The following LHFPL3 variants were observed in gnomAD, a reference collection of about 807,000 sequenced individuals.
The protein encoded by LHFPL3 is LHFPL tetraspan subfamily member 3, also known as LHFPL tetraspan subfamily member 3 protein.
In LHFPL3, 5 loss-of-function variants were observed where a neutral mutation model predicts 19.3. The observed-to-expected ratio is 0.26, with a 90% CI of 0.14 to 0.54. LHFPL3 has a LOEUF of 0.54. LHFPL3 is among the 20% of genes least tolerant of loss of function. The probability of loss-of-function intolerance (pLI) is 0.94; values close to 1 mark genes in which losing one functional copy is unlikely to be tolerated. For synonymous variants in LHFPL3, 133 were observed against 126.2 expected, an observed-to-expected ratio of 1.05 and a Z score of -0.36; for missense variants, 249 against 307.4, an observed-to-expected ratio of 0.81 and a Z score of 1.42.
intron 1 of LHFPL3, among the ~76,000 whole-genome samples, chr7:104,354,356 G>T (rs1029110360): frequency 6.6e-6 from 1 of 152,204 alleles, no homozygotes; most frequent in African/African-American, 2.4e-5. Flanking sequence ...TGGACATCTT[G>T]TACACATTCT....
chr7:104,522,398 GA>G (rs1355354015), intron 1 of LHFPL3, among the ~76,000 whole-genome samples: 2 of 66,452 alleles, frequency 3.0e-5, no homozygotes, highest in African/African-American at 1.1e-4. Context: ...GGGGTGGGGG[GA>G]GGGGGGAGGG....
intron 2 of LHFPL3, among the ~76,000 whole-genome samples, chr7:104,830,194 T>C (rs1790923458): frequency 6.6e-6 from 1 of 151,996 alleles, no homozygotes; most frequent in African/African-American, 2.4e-5. Context: ...TTTTTTCTTG[T>C]AAATTTGTTT....
intron 1 of LHFPL3, among the ~76,000 whole-genome samples, chr7:104,640,944 G>A (rs191953566): frequency 6.6e-6 from 1 of 152,302 alleles, no homozygotes; most frequent in Non-Finnish European, 1.5e-5. Context: ...GTTTGATTTT[G>A]AAACGTATTA....
chr7:104,858,857 C>T (rs1791560125), intron 2 of LHFPL3, among the ~76,000 whole-genome samples: 1 of 152,054 alleles, frequency 6.6e-6, no homozygotes. Flanking sequence ...TCCCATCATC[C>T]TATAAATGTG....
chr7:104,602,249 G>A (rs1314534715), intron 1 of LHFPL3, among the ~76,000 whole-genome samples: 1 of 151,992 alleles, frequency 6.6e-6, no homozygotes, highest in Admixed American at 6.5e-5. Flanking sequence ...TTGAACTCCT[G>A]ACCTCAAGTA....
rs1792632877 is a variant in LHFPL3, at chr7:104,906,955, G to A, written c.*740G>A. 6.6e-6 allele frequency: 1 copy of A among 152,472 alleles called. No homozygotes were observed. Among genetic ancestry groups the A allele is most frequent in the South Asian group, 2.1e-4 (1 of 4,824 alleles). The allele number at this position is 152,472 out of a possible 1,614,324, so 9.4% of individuals were successfully genotyped here. A position where few individuals can be genotyped will look rare whatever the true frequency, so the allele number is the denominator to read the frequency against. ...CAGGAAGTACATCTTTACATCATAGGTTCCCAAGCAACATAGATTTCCCTA... is the reference window on the plus strand; with the variant it reads ...CAGGAAGTACATCTTTACATCATAGATTCCCAAGCAACATAGATTTCCCTA... On this transcript the variant is annotated 3_prime_UTR_variant, in exon 3 of 3. Coordinates refer to ENST00000424859, the MANE Select transcript of LHFPL3 (RefSeq NM_199000.3).
At chr7:104,414,989 T>A (rs1791594653) in intron 1 of LHFPL3, among the ~76,000 whole-genome samples, 1 of 152,198 alleles carries the variant, frequency 6.6e-6, no homozygotes, top group South Asian at 2.1e-4. Flanking sequence ...CGCATATAGT[T>A]ACATTTCGGG....
intron 1 of LHFPL3, among the ~76,000 whole-genome samples, chr7:104,404,440 T>A (rs1470179281): frequency 6.6e-6 from 1 of 152,246 alleles, no homozygotes; most frequent in Non-Finnish European, 1.5e-5. Context: ...AGTAGTGATT[T>A]AATTATTGGT....
chr7:104,618,231 A>G (rs887539805), intron 1 of LHFPL3, among the ~76,000 whole-genome samples: 1 of 152,234 alleles, frequency 6.6e-6, no homozygotes, highest in African/African-American at 2.4e-5. Flanking sequence ...AAAAATGAAG[A>G]ATAATGACAT....
intron 2 of LHFPL3, among the ~76,000 whole-genome samples, chr7:104,808,332 T>A (rs950620336): frequency 1.3e-5 from 2 of 152,190 alleles, no homozygotes; most frequent in Admixed American, 1.3e-4. Flanking sequence ...GTATTATTAA[T>A]CTCATTTCAA....
chr7:104,590,997 T>C (rs1411787061), intron 1 of LHFPL3, among the ~76,000 whole-genome samples: 2 of 152,124 alleles, frequency 1.3e-5, no homozygotes, highest in Non-Finnish European at 2.9e-5. Flanking sequence ...TAATTTGAGC[T>C]TGTGTGTGTC....
intron 2 of LHFPL3, chr7:104,845,436 G>A: frequency 1.3e-6 from 2 of 1,536,030 alleles, no homozygotes; most frequent in Non-Finnish European, 1.7e-6. Flanking sequence ...CCATGTAAGT[G>A]TGAGCATGGC....
chr7:104,860,867 G>A (rs547314431), intron 2 of LHFPL3, among the ~76,000 whole-genome samples: 1 of 152,242 alleles, frequency 6.6e-6, no homozygotes, highest in South Asian at 2.1e-4. Context: ...CATAGAGTGT[G>A]CTAAGAATCC....
chr7:104,731,473 C>G (rs1793703740), intron 1 of LHFPL3, among the ~76,000 whole-genome samples: 1 of 152,112 alleles, frequency 6.6e-6, no homozygotes, highest in Admixed American at 6.6e-5. Flanking sequence ...GTATTTTATT[C>G]TCTTTGAAGC....
At chr7:104,896,725 C>G (rs1457349422) in intron 2 of LHFPL3, among the ~76,000 whole-genome samples, 1 of 152,046 alleles carries the variant, frequency 6.6e-6, no homozygotes, top group African/African-American at 2.4e-5. Flanking sequence ...CAGGGAGAGG[C>G]CACAGGAGGC....
At position 104,644,058 on chromosome 7, in the gene LHFPL3, A is replaced by G. The variant is rs938921395; in HGVS notation, c.446-92617A>G. Among the ~76,000 whole-genome samples, 4 of 152,206 alleles carry G rather than the reference A, an allele frequency of 2.6e-5. No homozygotes were observed. The South Asian group carries it at 8.3e-4, about 32-fold the overall frequency. ...GAGAGTATAGCCATTGATAAAAAAA[A>G]CTTTTCTCATTTCTGAACTGACAGT... On this transcript the variant is annotated intron_variant, in intron 1 of 2. Transcript: ENST00000424859.
chr7:104,735,481 T>C (rs1270110646), intron 1 of LHFPL3, among the ~76,000 whole-genome samples: 2 of 152,234 alleles, frequency 1.3e-5, no homozygotes, highest in Non-Finnish European at 2.9e-5. Context: ...GTGCTAGCAA[T>C]GAGCAAGGCT....
At chr7:104,794,219 T>C (rs1790074909) in intron 2 of LHFPL3, among the ~76,000 whole-genome samples, 1 of 152,206 alleles carries the variant, frequency 6.6e-6, no homozygotes, top group Non-Finnish European at 1.5e-5. Context: ...TGAACCCTAG[T>C]TTCTTTCACA....
At position 104,515,643 on chromosome 7, in the gene LHFPL3, C is replaced by T. The variant is rs184716588; in HGVS notation, c.445+186419C>T. The stretch of plus-strand genomic sequence containing the variant: ...CTGGAATTAAAAAGGAATTGTGCTT[C>T]GAAGTAGTGTGTTCCATTCCAACTA... On this transcript the variant is annotated intron_variant, in intron 1 of 2. Coordinates refer to ENST00000424859, the MANE Select transcript of LHFPL3 (RefSeq NM_199000.3). 2.6e-5 allele frequency among the ~76,000 whole-genome samples: 4 copies of T among 152,208 alleles called. No homozygotes were observed. In the East Asian group the frequency reaches 5.8e-4, roughly 22 times the overall value.
Sources: gnomAD v4.1 joint callset for allele counts (sites outside exome capture counted in the v4.1 genomes callset) on GRCh38, gnomAD v4.1.1 for gene constraint, MANE v1.5 for transcripts, NCBI Gene and HGNC (gene_info 2026-07-23, HGNC 2026-07-21) for gene names.